Variants in TCF7L1 observed in about 807,000 individuals in gnomAD.
TCF7L1 encodes transcription factor 7-like 1.
TCF7L1 carries 18 observed loss-of-function variants against 63.7 expected under a neutral mutation model. That is an observed-to-expected ratio of 0.28 (90% confidence interval 0.20 to 0.42). The LOEUF (loss-of-function observed/expected upper bound fraction) is 0.42, where lower values mean the gene tolerates loss of function less well. Ranked by LOEUF, TCF7L1 falls within the 10% of genes least tolerant of loss-of-function variation. The pLI, the probability that TCF7L1 is intolerant of heterozygous loss-of-function variation, is 1.00. For synonymous variants in TCF7L1, 355 were observed against 340.9 expected (o/e 1.04, Z -0.46); for missense variants, 654 against 779.3 (o/e 0.84, Z 1.91).
intron 4 of TCF7L1, among the ~76,000 whole-genome samples, chr2:85,300,782 TC>T (rs1681952485): frequency 6.7e-6 from 1 of 148,844 alleles, no homozygotes; most frequent in Non-Finnish European, 1.5e-5. Context: ...TTTACAAATC[TC>T]TTTTTTTTTT....
At chr2:85,232,441 G>A (rs1445937402) in intron 3 of TCF7L1, among the ~76,000 whole-genome samples, 2 of 152,048 alleles carry the variant, frequency 1.3e-5, no homozygotes, top group Non-Finnish European at 2.9e-5. Context: ...CTGTTCTGGG[G>A]GCCACAGCAG....
At chr2:85,307,493 G>A (rs1450342403) in intron 10 of TCF7L1, 149 bp from the exon 11 acceptor site, 15 of 625,364 alleles carry the variant, frequency 2.4e-5, no homozygotes, top group South Asian at 2.0e-4. Flanking sequence ...GGGCTCCCAC[G>A]GCTGTGATCT....
intron 3 of TCF7L1, among the ~76,000 whole-genome samples, chr2:85,152,951 G>A (rs1176779220): frequency 1.3e-5 from 2 of 152,190 alleles, no homozygotes; most frequent in Non-Finnish European, 2.9e-5. Flanking sequence ...TTTCACTCAA[G>A]TTGCACGTGG....
chr2:85,306,132 G>A lies in TCF7L1; in HGVS notation c.990-74G>A. 4 of 1,586,532 alleles carry A rather than the reference G, an allele frequency of 2.5e-6. No homozygotes were observed. Among genetic ancestry groups the A allele is most frequent in the Non-Finnish European group, 3.4e-6 (4 of 1,160,386 alleles). On this transcript the variant is annotated intron_variant, in intron 8 of 11. Transcript: ENST00000282111. This position sits in a 1 kb window ranked among gnomAD's most constrained non-coding sequence, Gnocchi z 4.3. ...CCCCTCCCCAGAGACAATCAGCGGT[G>A]TTTCAGTGACAGGTGGGGATTGATG...
intron 3 of TCF7L1, among the ~76,000 whole-genome samples, chr2:85,188,262 TAC>T (rs145628618): frequency 6.6e-6 from 1 of 151,584 alleles, no homozygotes; most frequent in Non-Finnish European, 1.5e-5. Context: ...GGGCTACACA[TAC>T]ACACACACAC....
chr2:85,176,315 C>A (rs929640301), intron 3 of TCF7L1, among the ~76,000 whole-genome samples: 1 of 152,198 alleles, frequency 6.6e-6, no homozygotes, highest in Non-Finnish European at 1.5e-5. Context: ...GAAATGAGAT[C>A]TGGAAGCACC....
At chr2:85,156,647 C>T (rs908727636) in intron 3 of TCF7L1, among the ~76,000 whole-genome samples, 2 of 152,232 alleles carry the variant, frequency 1.3e-5, no homozygotes, top group South Asian at 2.1e-4. Flanking sequence ...TTTGTAGTCT[C>T]ATTCCCTGTA....
intron 3 of TCF7L1, among the ~76,000 whole-genome samples, chr2:85,200,826 G>A (rs1413865169): frequency 1.3e-5 from 2 of 151,532 alleles, no homozygotes; most frequent in Non-Finnish European, 2.9e-5. Context: ...GGATACCTGC[G>A]ACACTTGAGT....
intron 3 of TCF7L1, among the ~76,000 whole-genome samples, chr2:85,244,331 C>T (rs1007001684): frequency 6.6e-6 from 1 of 152,160 alleles, no homozygotes; most frequent in Admixed American, 6.5e-5. Flanking sequence ...TTTAACGTAG[C>T]GCCATGGCTG....
In TCF7L1 at chr2:85,165,985, T is replaced by A. The variant is rs145721857; in HGVS notation, c.441+31535T>A. Among the ~76,000 whole-genome samples, 738 of 152,348 alleles carry A rather than the reference T, an allele frequency of 4.8e-3. 5 individuals are homozygous for A. The highest frequency in any genetic ancestry group is 6.7e-3 in the Non-Finnish European group (455 of 68,026). ...GGTCTATGCAGTTTTATCCCATGTA[T>A]AAATTTGTGTAACTAACACCACAAT... On this transcript the variant is annotated intron_variant, in intron 3 of 11. Transcript: ENST00000282111.
intron 7 of TCF7L1, 94 bp from the exon 8 acceptor site, chr2:85,305,166 T>C (rs1682077453): frequency 6.4e-7 from 1 of 1,551,018 alleles, no homozygotes; most frequent in South Asian, 1.1e-5. Flanking sequence ...GACATGCCTG[T>C]GCCCTTAAGG....
intron 3 of TCF7L1, among the ~76,000 whole-genome samples, chr2:85,212,629 C>T (rs1313814583): frequency 6.6e-6 from 1 of 152,110 alleles, no homozygotes; most frequent in Non-Finnish European, 1.5e-5. Flanking sequence ...AGTAAAAGCG[C>T]AGAGGTGGAA....
At position 85,183,354 on chromosome 2, in the gene TCF7L1, T is replaced by C. The variant is rs901545751; in HGVS notation, c.441+48904T>C. ...CAAGGGGAGTCACCTAGGACTTGGGTTCCTAGGATGGATGGCCCGTGGTGT... is the reference window on the plus strand; with the variant it reads ...CAAGGGGAGTCACCTAGGACTTGGGCTCCTAGGATGGATGGCCCGTGGTGT... On this transcript the variant is annotated intron_variant, in intron 3 of 11. Transcript: ENST00000282111. 4.6e-5 allele frequency among the ~76,000 whole-genome samples: 7 copies of C among 152,242 alleles called. No individual in the cohort carries two copies. The East Asian group carries it at 1.4e-3, about 29-fold the overall frequency.
At chr2:85,247,912 A>G (rs1349860819) in intron 3 of TCF7L1, among the ~76,000 whole-genome samples, 2 of 152,196 alleles carry the variant, frequency 1.3e-5, no homozygotes, top group Admixed American at 6.5e-5. Flanking sequence ...TTATTCAAAC[A>G]TAGCTTGGAT....
At chr2:85,232,780 G>A (rs560621853) in intron 3 of TCF7L1, among the ~76,000 whole-genome samples, 1 of 152,238 alleles carries the variant, frequency 6.6e-6, no homozygotes, top group East Asian at 1.9e-4. Context: ...TCCACGCAGT[G>A]CTTCAGTTCT....
At chr2:85,216,842 C>A (rs188620589) in intron 3 of TCF7L1, among the ~76,000 whole-genome samples, 2 of 152,306 alleles carry the variant, frequency 1.3e-5, no homozygotes, top group Admixed American at 1.3e-4. Context: ...CCTGAAATAC[C>A]TGAGAAAGGG....
intron 3 of TCF7L1, among the ~76,000 whole-genome samples, chr2:85,160,947 A>G (rs1678270711): frequency 6.6e-6 from 1 of 152,250 alleles, no homozygotes; most frequent in Non-Finnish European, 1.5e-5. Flanking sequence ...TAATTGGTGT[A>G]AAACAGGGGT....
intron 3 of TCF7L1, among the ~76,000 whole-genome samples, chr2:85,197,718 C>T (rs898942338): frequency 7.2e-5 from 11 of 152,236 alleles, no homozygotes; most frequent in Non-Finnish European, 1.6e-4. Context: ...CTTTGTTCTT[C>T]TTACAGATTC....
chr2:85,270,095 G>A (rs1217082693), intron 3 of TCF7L1, among the ~76,000 whole-genome samples: 1 of 152,236 alleles, frequency 6.6e-6, no homozygotes, highest in Admixed American at 6.5e-5. Context: ...AGAGACCCTT[G>A]AAGCTCTGTG....
Sources: allele counts gnomAD v4.1 joint callset (sites outside exome capture counted in the v4.1 genomes callset), GRCh38; gene constraint gnomAD v4.1.1; non-coding constraint Gnocchi (gnomAD v3.1); transcripts MANE v1.5; gene names NCBI Gene and HGNC (gene_info 2026-07-23, HGNC 2026-07-21).